PRKN: variants seen among roughly 807,000 people sequenced by gnomAD.
PRKN encodes parkin RBR E3 ubiquitin protein ligase, also known as E3 ubiquitin-protein ligase parkin.
In PRKN, 56 loss-of-function variants were observed where a neutral mutation model predicts 59.5. That is an observed-to-expected ratio of 0.94 (90% confidence interval 0.76 to 1.18). PRKN has a LOEUF of 1.18. Ranked by LOEUF, PRKN falls within the 50% of genes most tolerant of loss-of-function variation. PRKN has a pLI of 0.00. For synonymous variants in PRKN, 250 were observed against 222.1 expected, an observed-to-expected ratio of 1.13 and a Z score of -1.12; for missense variants, 657 against 596.4, an observed-to-expected ratio of 1.10 and a Z score of -1.06.
At chr6:161,469,049 AC>A (rs1216086660) in intron 9 of PRKN, among the ~76,000 whole-genome samples, 1 of 151,966 alleles carries the variant, frequency 6.6e-6, no homozygotes, top group Non-Finnish European at 1.5e-5. Flanking sequence ...CAATACTGCC[AC>A]CTCCCCCATG....
At chr6:162,008,425 G>C (rs1461950384) in intron 5 of PRKN, among the ~76,000 whole-genome samples, 1 of 152,134 alleles carries the variant, frequency 6.6e-6, no homozygotes, top group Non-Finnish European at 1.5e-5. Context: ...GGAGAAAGAG[G>C]TAATTATTCC....
chr6:162,040,870 G>C (rs13201702), intron 5 of PRKN, among the ~76,000 whole-genome samples: 1 of 151,972 alleles, frequency 6.6e-6, no homozygotes. Flanking sequence ...ACAAGAATCA[G>C]ACAGGGACAG....
At chr6:162,298,683 G>C (rs1419201989) in intron 2 of PRKN, among the ~76,000 whole-genome samples, 6 of 118,884 alleles carry the variant, frequency 5.0e-5, no homozygotes, top group African/African-American at 1.9e-4. Flanking sequence ...TACAATTCTT[G>C]GCCTTCACCT....
At chr6:161,621,145 C>T (rs1469451071) in intron 7 of PRKN, among the ~76,000 whole-genome samples, 1 of 152,080 alleles carries the variant, frequency 6.6e-6, no homozygotes, top group African/African-American at 2.4e-5. Flanking sequence ...CTGTCATGTG[C>T]CACTCTATTA....
At position 161,663,458 on chromosome 6, in the gene PRKN, T is replaced by C. The variant is rs116799028; in HGVS notation, c.872-94042A>G. Among the ~76,000 whole-genome samples, 1,230 of 152,236 alleles carry C rather than the reference T, an allele frequency of 8.1e-3. 17 individuals are homozygous for C. The highest frequency in any genetic ancestry group is 0.028 in the African/African-American group (1,160 of 41,546). ...GGAAGGTAATACAGAGTACAGGCCA[T>C]ATTTTATGTAGACCCACAGCAGGGT... is the stretch of plus-strand genomic sequence containing the variant. On this transcript the variant is annotated intron_variant, in intron 7 of 11. Transcript: ENST00000366898.
Position 161,457,542 on chromosome 6 carries a change from G to C in PRKN, c.1084-70665C>G, listed in dbSNP as rs148299102. ...TGTACAGTGCCTAGAACAATGATAA[G>C]ACATGACTGCTGAATGTGTGGATAG... On this transcript the variant is annotated intron_variant, in intron 9 of 11. Transcript: ENST00000366898. The surrounding 1 kb of genome is among the most constrained non-coding windows in gnomAD (Gnocchi z 5.0). Among the ~76,000 whole-genome samples the C allele has an allele frequency of 2.0e-5, 3 of 152,268 alleles. No individual in the cohort carries two copies. Among genetic ancestry groups the C allele is most frequent in the African/African-American group, 7.2e-5 (3 of 41,548 alleles).
chr6:161,406,133 C>CAT (rs1369196394), intron 9 of PRKN, among the ~76,000 whole-genome samples: 7 of 151,354 alleles, frequency 4.6e-5, no homozygotes, highest in Non-Finnish European at 1.0e-4. Flanking sequence ...TATACACACA[C>CAT]ATATATATAC....
chr6:162,389,808 G>T (rs1361323215), intron 2 of PRKN, among the ~76,000 whole-genome samples: 1 of 152,182 alleles, frequency 6.6e-6, no homozygotes, highest in Non-Finnish European at 1.5e-5. Flanking sequence ...CCACTCCTCA[G>T]TAAAAAGCTA....
At chr6:161,614,973 G>C (rs868053842) in intron 7 of PRKN, among the ~76,000 whole-genome samples, 4 of 127,222 alleles carry the variant, frequency 3.1e-5, no homozygotes, top group African/African-American at 1.1e-4. Flanking sequence ...CAGAGAGAGA[G>C]AGAGAGAGAG....
chr6:161,729,171 T>C (rs1787572990), intron 7 of PRKN, among the ~76,000 whole-genome samples: 1 of 152,258 alleles, frequency 6.6e-6, no homozygotes, highest in Non-Finnish European at 1.5e-5. Context: ...TGTGTATCAC[T>C]GCTCTTTAAT....
intron 2 of PRKN, among the ~76,000 whole-genome samples, chr6:162,384,103 C>A (rs10945823): frequency 0.27 from 41,036 of 152,062 alleles, 5,787 homozygotes; most frequent in African/African-American, 0.34. Flanking sequence ...GACTGTCTCA[C>A]ATTCATATTA....
At chr6:162,469,406 G>A (rs1014284118) in intron 1 of PRKN, among the ~76,000 whole-genome samples, 1 of 151,574 alleles carries the variant, frequency 6.6e-6, no homozygotes, top group Admixed American at 6.6e-5. Context: ...GCAGATGCAT[G>A]TTTATAGCAG....
At chr6:161,945,234 C>T (rs1790020) in intron 6 of PRKN, among the ~76,000 whole-genome samples, 75,001 of 151,942 alleles carry the variant, frequency 0.49, 18,977 homozygotes, top group African/African-American at 0.6. Context: ...ATGCAGACAT[C>T]AATCTTTTGT....
chr6:161,945,649 G>C (rs531343102), intron 6 of PRKN, among the ~76,000 whole-genome samples: 19 of 152,246 alleles, frequency 1.2e-4, no homozygotes, highest in Admixed American at 4.6e-4. Flanking sequence ...ACCAAACTGT[G>C]GTTTGTTGCC....
In PRKN at chr6:161,584,457, T is replaced by G. The variant is rs1781452509; in HGVS notation, c.872-15041A>C. 6.6e-6 allele frequency among the ~76,000 whole-genome samples: 1 copy of G among 152,250 alleles called. No individual in the cohort carries two copies. The highest frequency in any genetic ancestry group is 2.1e-4 in the South Asian group (1 of 4,836). On this transcript the variant is annotated intron_variant, in intron 7 of 11. Transcript: ENST00000366898. The surrounding 1 kb of genome is among the most constrained non-coding windows in gnomAD (Gnocchi z 4.8). ...TAATTTAATATAATAATAGTTCTTC[T>G]ATTATAATCTTCATGTGCCAAATTG... is the stretch of plus-strand genomic sequence containing the variant.
At chr6:161,799,791 C>A (rs1374627092) in intron 6 of PRKN, among the ~76,000 whole-genome samples, 1 of 152,174 alleles carries the variant, frequency 6.6e-6, no homozygotes, top group East Asian at 1.9e-4. Context: ...CCTGGGAAGG[C>A]CTGGGGATGG....
At chr6:162,589,243 T>G (rs923429725) in intron 1 of PRKN, among the ~76,000 whole-genome samples, 3 of 152,156 alleles carry the variant, frequency 2.0e-5, no homozygotes, top group African/African-American at 7.2e-5. Flanking sequence ...CTACGCAGAT[T>G]TTAAAAATAC....
At chr6:161,999,018 C>T (rs554968828) in intron 5 of PRKN, among the ~76,000 whole-genome samples, 1 of 152,114 alleles carries the variant, frequency 6.6e-6, no homozygotes, top group East Asian at 1.9e-4. Flanking sequence ...TCTTAACACA[C>T]AAAAACATTT....
chr6:161,665,157 T>C (rs1784682269), intron 7 of PRKN, among the ~76,000 whole-genome samples: 1 of 152,082 alleles, frequency 6.6e-6, no homozygotes, highest in South Asian at 2.1e-4. Context: ...AACATTCTTA[T>C]TTATCTTCTA....
Sources: allele counts gnomAD v4.1 joint callset (sites outside exome capture counted in the v4.1 genomes callset), GRCh38; gene constraint gnomAD v4.1.1; non-coding constraint Gnocchi (gnomAD v3.1); transcripts MANE v1.5; gene names NCBI Gene and HGNC (gene_info 2026-07-23, HGNC 2026-07-21).